Variants in CHKA observed in about 807,000 individuals in gnomAD.
CHKA encodes CHETK-alpha.
A neutral mutation model predicts 60.1 loss-of-function variants in CHKA; 34 were observed. The ratio of observed to expected loss-of-function variants is 0.57; its 90% CI spans 0.43 to 0.75. The LOEUF (loss-of-function observed/expected upper bound fraction) is 0.75, where lower values mean the gene tolerates loss of function less well. Ranked by LOEUF, CHKA falls within the 30% of genes least tolerant of loss-of-function variation. CHKA has a pLI of 0.00. For synonymous variants in CHKA, 217 were observed against 223.1 expected, an observed-to-expected ratio of 0.97 and a Z score of 0.24; for missense variants, 563 against 561.3, an observed-to-expected ratio of 1.00 and a Z score of -0.03.
intron 2 of CHKA, among the ~76,000 whole-genome samples, chr11:68,084,348 GTA>G (rs752168770): frequency 9.7e-4 from 127 of 131,420 alleles, no homozygotes; most frequent in African/African-American, 1.5e-3. Context: ...ATATATATGT[GTA>G]TATATATATA....
chr11:68,055,947 C>G (rs1353545424), intron 11 of CHKA, among the ~76,000 whole-genome samples: 1 of 151,856 alleles, frequency 6.6e-6, no homozygotes, highest in African/African-American at 2.4e-5. Context: ...ACTTGGGAGG[C>G]TGAGGCAGGA....
rs1855865542 is a variant in CHKA at position 68,053,234 on chromosome 11, A to C, written c.*754T>G. The C allele has an allele frequency of 6.6e-6, 1 of 152,432 alleles. No homozygotes were observed. The highest frequency in any genetic ancestry group is 3.4e-3 in the Middle Eastern group (1 of 296). The allele number at this position is 152,432 out of a possible 1,614,324, so 9.4% of individuals were successfully genotyped here. On this transcript the variant is annotated 3_prime_UTR_variant, in exon 12 of 12. Coordinates refer to ENST00000265689, the MANE Select transcript of CHKA (RefSeq NM_001277.3). The stretch of plus-strand genomic sequence containing the variant: ...TGGCTCCCCTGGGAGGGGAGCCGGG[A>C]GACAGGGAGGTCCTCACACTGCCCC...
chr11:68,096,323 T>C (rs1009517336), intron 2 of CHKA, among the ~76,000 whole-genome samples: 16 of 152,260 alleles, frequency 1.1e-4, no homozygotes, highest in African/African-American at 3.4e-4. Context: ...ATCACGCCAT[T>C]GCACTCCAGC....
chr11:68,118,524 T>A (rs945919024), intron 1 of CHKA, among the ~76,000 whole-genome samples: 1 of 152,210 alleles, frequency 6.6e-6, no homozygotes, highest in Non-Finnish European at 1.5e-5. Flanking sequence ...CAACTGCCTA[T>A]GGAGAATCAC....
chr11:68,090,894 C>T (rs1040310206), intron 2 of CHKA, among the ~76,000 whole-genome samples: 1 of 152,204 alleles, frequency 6.6e-6, no homozygotes, highest in African/African-American at 2.4e-5. Flanking sequence ...AACACAGAGT[C>T]ACTGTTCTGA....
chr11:68,066,403 G>T, intron 8 of CHKA, 26 bp downstream of exon 8: 1 of 1,510,066 alleles, frequency 6.6e-7, no homozygotes, highest in Non-Finnish European at 9.2e-7. Flanking sequence ...ATATTGAGAT[G>T]GAAACACTGG....
At chr11:68,087,425 T>C (rs1351051522) in intron 2 of CHKA, among the ~76,000 whole-genome samples, 2 of 151,894 alleles carry the variant, frequency 1.3e-5, no homozygotes, top group Non-Finnish European at 2.9e-5. Context: ...GAGATTGTAG[T>C]GAGCCAAGAT....
At chr11:68,059,848 T>A (rs1236334354) in intron 11 of CHKA, among the ~76,000 whole-genome samples, 1 of 152,200 alleles carries the variant, frequency 6.6e-6, no homozygotes, top group Non-Finnish European at 1.5e-5. Context: ...GAAAAGAATG[T>A]GCACCCTGCA....
At chr11:68,056,311 C>A (rs114040457) in intron 11 of CHKA, among the ~76,000 whole-genome samples, 164 of 152,318 alleles carry the variant, frequency 1.1e-3, no homozygotes, top group African/African-American at 3.8e-3. Flanking sequence ...GAATCTCTCT[C>A]TCTGACCTTC....
intron 1 of CHKA, among the ~76,000 whole-genome samples, chr11:68,112,359 C>A (rs370735157): frequency 6.6e-6 from 1 of 152,194 alleles, no homozygotes; most frequent in South Asian, 2.1e-4. Flanking sequence ...CGGGTTCAAG[C>A]GATTCTTCCT....
chr11:68,119,658 T>C (rs899117036), intron 1 of CHKA, among the ~76,000 whole-genome samples: 7 of 151,992 alleles, frequency 4.6e-5, no homozygotes, highest in African/African-American at 1.7e-4. Flanking sequence ...TTAGTAGATA[T>C]GGGGTTTCAC....
At chr11:68,107,446 TC>T (rs1208859834) in intron 1 of CHKA, among the ~76,000 whole-genome samples, 1 of 152,128 alleles carries the variant, frequency 6.6e-6, no homozygotes, top group Non-Finnish European at 1.5e-5. Context: ...AATAATTTCT[TC>T]CTCCTGATTT....
rs1241502764 is a variant in CHKA, at chr11:68,053,289, C to T, written c.*699G>A. 1.3e-5 allele frequency: 2 copies of T among 152,428 alleles called. No homozygotes were observed. Among genetic ancestry groups the T allele is most frequent in the Admixed American group, 6.5e-5 (1 of 15,308 alleles). 9.4% of individuals were successfully genotyped at this position (152,428 alleles called of 1,614,324 possible). A position where few individuals can be genotyped will look rare whatever the true frequency, so the allele number is the denominator to read the frequency against. ...GCCACGCATGGCTGTCTGCACACTCCATCAGGAGGAAGGGCAGGGGAGAAG... is the reference window on the plus strand; with the variant it reads ...GCCACGCATGGCTGTCTGCACACTCTATCAGGAGGAAGGGCAGGGGAGAAG... On this transcript the variant is annotated 3_prime_UTR_variant, in exon 12 of 12. Coordinates refer to ENST00000265689, the MANE Select transcript of CHKA (RefSeq NM_001277.3).
intron 1 of CHKA, among the ~76,000 whole-genome samples, chr11:68,111,888 T>C (rs1858157916): frequency 6.6e-6 from 1 of 151,340 alleles, no homozygotes; most frequent in Non-Finnish European, 1.5e-5. Context: ...ACCCCGTCTC[T>C]ACTAAAAATA....
chr11:68,081,532 A>G (rs963555582), intron 2 of CHKA, 75 bp from the exon 3 acceptor site: 7 of 1,191,078 alleles, frequency 5.9e-6, no homozygotes, highest in Non-Finnish European at 6.2e-6. Flanking sequence ...CAACCACCAG[A>G]ACAGTCAGGG....
At chr11:68,075,395 C>CACCCG in intron 3 of CHKA, among the ~76,000 whole-genome samples, 1 of 152,052 alleles carries the variant, frequency 6.6e-6, no homozygotes, top group Admixed American at 6.6e-5. Flanking sequence ...TCAGTTGGCA[C>CACCCG]ACCCGACCTT....
intron 1 of CHKA, among the ~76,000 whole-genome samples, chr11:68,098,716 G>A (rs1857596230): frequency 6.6e-6 from 1 of 151,844 alleles, no homozygotes; most frequent in Non-Finnish European, 1.5e-5. Context: ...TTTTTTCAGA[G>A]AGGGTTTTGC....
In CHKA at chr11:68,078,636, G is replaced by T. The variant is rs140590720; in HGVS notation, c.516+2768C>A. On this transcript the variant is annotated intron_variant, in intron 3 of 11. Transcript: ENST00000265689. Reference sequence around the variant, plus strand: ...AGAGTATTGATGTTATGAACTTCTTGAGAAGACATAACAGCATTTCTGTGG... The same window carrying T: ...AGAGTATTGATGTTATGAACTTCTTTAGAAGACATAACAGCATTTCTGTGG... 4.7e-4 allele frequency among the ~76,000 whole-genome samples: 71 copies of T among 152,286 alleles called. No homozygotes were observed. In the East Asian group the frequency reaches 0.013, roughly 27 times the overall value.
intron 2 of CHKA, among the ~76,000 whole-genome samples, chr11:68,093,815 G>A (rs1857422329): frequency 6.6e-6 from 1 of 152,170 alleles, no homozygotes; most frequent in African/African-American, 2.4e-5. Context: ...CAATACAGTG[G>A]CCACGAGCTA....
Sources: gnomAD v4.1 joint callset for allele counts (sites outside exome capture counted in the v4.1 genomes callset) on GRCh38, gnomAD v4.1.1 for gene constraint, MANE v1.5 for transcripts, NCBI Gene and HGNC (gene_info 2026-07-23, HGNC 2026-07-21) for gene names.